Variants in INTS3 observed in about 807,000 individuals in gnomAD.
INTS3 encodes the protein integrator complex subunit 3, also known as SOSS complex subunit A.
INTS3 carries 34 observed loss-of-function variants against 146.3 expected under a neutral mutation model. That is an observed-to-expected ratio of 0.23 (90% CI 0.18 to 0.31). The LOEUF (loss-of-function observed/expected upper bound fraction) is 0.31, where lower values mean the gene tolerates loss of function less well. INTS3 is among the 10% of genes least tolerant of loss of function. The probability of loss-of-function intolerance (pLI) is 1.00; values close to 1 mark genes in which losing one functional copy is unlikely to be tolerated. For synonymous variants in INTS3, 475 were observed against 494.9 expected (o/e 0.96, Z 0.53); for missense variants, 757 against 1,304.2 (o/e 0.58, Z 6.46).
chr1:153,731,425 A>G (rs553142010), intron 1 of INTS3, among the ~76,000 whole-genome samples: 74 of 151,906 alleles, frequency 4.9e-4, no homozygotes, highest in African/African-American at 1.8e-3. Flanking sequence ...CAATTTGGGG[A>G]GGGAATGAGA....
intron 6 of INTS3, among the ~76,000 whole-genome samples, chr1:153,749,547 T>TCTGCCCAGGTCTGAGAGCC (rs1553237892): frequency 6.6e-6 from 1 of 152,232 alleles, no homozygotes; most frequent in African/African-American, 2.4e-5. Context: ...TGTGCTGTGC[T>TCTGCCCAGGTCTGAGAGCC]CTGCCCAGGT....
chr1:153,755,241 T>C (rs919592736), intron 9 of INTS3, among the ~76,000 whole-genome samples: 10 of 152,044 alleles, frequency 6.6e-5, no homozygotes, highest in African/African-American at 2.4e-4. Flanking sequence ...GATTGAGGAA[T>C]TTGTGGGGTT....
Position 153,731,577 on chromosome 1 carries a change from C to CTTTTT in INTS3, c.150+2794_150+2795insTTTTT, listed in dbSNP as rs1491428244. ...TGAAAGTGGGAGGCCCAAGAGCGTCCTCTTTTTTTTTTTTTTTTTTTTTGA... is the reference window on the plus strand; with the variant it reads ...TGAAAGTGGGAGGCCCAAGAGCGTCCTTTTTTCTTTTTTTTTTTTTTTTTTTTTGA... On this transcript the variant is annotated intron_variant, in intron 1 of 29. Coordinates refer to ENST00000318967, the MANE Select transcript of INTS3 (RefSeq NM_023015.5). Among the ~76,000 whole-genome samples the CTTTTT allele has an allele frequency of 1.1e-4, 14 of 129,258 alleles. 3 individuals are homozygous for CTTTTT. Among genetic ancestry groups the CTTTTT allele is most frequent in the Non-Finnish European group, 1.5e-4 (9 of 61,464 alleles). 84.8% of individuals were successfully genotyped at this position (129,258 alleles called of 152,430 possible).
intron 20 of INTS3, chr1:153,767,416 C>T (rs2101826201): frequency 7.5e-6 from 3 of 400,934 alleles, no homozygotes; most frequent in African/African-American, 2.1e-5. Context: ...TCCTGACTCT[C>T]ATCCGGCAGT....
intron 22 of INTS3, 126 bp downstream of exon 22, chr1:153,769,087 A>G (rs1293943696): frequency 2.6e-6 from 2 of 755,314 alleles, no homozygotes; most frequent in Non-Finnish European, 4.5e-6. Context: ...CCTCCTGGCT[A>G]CAGTGGTGTG....
At chr1:153,763,062 G>A (rs922029030) in intron 15 of INTS3, among the ~76,000 whole-genome samples, 171 bp from the exon 16 acceptor site, 14 of 152,218 alleles carry the variant, frequency 9.2e-5, no homozygotes, top group Admixed American at 5.9e-4. Flanking sequence ...TTGTTTGCTT[G>A]TAAGAGCTAG....
At chr1:153,743,859 C>G (rs902324272) in intron 3 of INTS3, among the ~76,000 whole-genome samples, 2 of 152,014 alleles carry the variant, frequency 1.3e-5, no homozygotes, top group Non-Finnish European at 2.9e-5. Flanking sequence ...CCAGGCAGCT[C>G]TTGGTCTAGG....
rs755657155 is a variant in INTS3, at chr1:153,764,225, A to T, written c.1925+4A>T. Reference sequence around the variant, plus strand: ...TGCCTGAGGAGATTACTGAGGAGTAAGGCTGATTTTCCCTCACTCCAGAGC... The same window carrying T: ...TGCCTGAGGAGATTACTGAGGAGTATGGCTGATTTTCCCTCACTCCAGAGC... On this transcript the variant is annotated splice_donor_region_variant and intron_variant, in intron 18 of 29. Transcript: ENST00000318967. 127 of 1,605,198 alleles carry T rather than the reference A, an allele frequency of 7.9e-5. No homozygotes were observed. The highest frequency in any genetic ancestry group is 1.0e-4 in the Non-Finnish European group (122 of 1,172,338).
chr1:153,770,132 GGGGT>G, intron 23 of INTS3, 62 bp from the exon 24 acceptor site: 42 of 491,952 alleles, frequency 8.5e-5, no homozygotes, highest in Middle Eastern at 5.2e-4. Flanking sequence ...GGGGGTGGGG[GGGGT>G]GTGTGTGTGT....
At chr1:153,732,360 A>G (rs1671100955) in intron 1 of INTS3, among the ~76,000 whole-genome samples, 2 of 152,192 alleles carry the variant, frequency 1.3e-5, no homozygotes, top group South Asian at 2.1e-4. Flanking sequence ...CTTACAAATC[A>G]TAATTTCATA....
Position 153,772,292 on chromosome 1 carries a change from C to G in INTS3, c.2721-48C>G. The G allele has an allele frequency of 6.3e-7, 1 of 1,595,186 alleles. No homozygotes were observed. The highest frequency in any genetic ancestry group is 1.1e-5 in the South Asian group (1 of 88,172). On this transcript the variant is annotated intron_variant, in intron 26 of 29. Coordinates refer to ENST00000318967, the MANE Select transcript of INTS3 (RefSeq NM_023015.5). This position sits in a 1 kb window ranked among gnomAD's most constrained non-coding sequence, Gnocchi z 4.6. ...TGGCGGGTGGAGGGTGTCTCGCACT[C>G]TGGAACCCTCCCACACTCAGACTCT...
chr1:153,760,413 C>T, intron 12 of INTS3, 23 bp downstream of exon 12: 1 of 1,587,218 alleles, frequency 6.3e-7, no homozygotes, highest in Non-Finnish European at 8.7e-7. Flanking sequence ...GCTCTCTTTT[C>T]TCCCCATGCC....
rs369550677 is a variant in INTS3, at chr1:153,763,912, G to A, written c.1821+26G>A. 12 of 1,607,994 alleles carry A rather than the reference G, an allele frequency of 7.5e-6. No individual in the cohort carries two copies. The South Asian group carries it at 8.8e-5, about 12-fold the overall frequency. On this transcript the variant is annotated intron_variant, in intron 17 of 29. Transcript: ENST00000318967. ...GTGAGGAGGAACCCAATCCCTTAGG[G>A]AGGAAGCAGCCTAGCCTGCTTAGCT...
At chr1:153,743,365 G>A (rs1456698978) in intron 3 of INTS3, among the ~76,000 whole-genome samples, 2 of 152,202 alleles carry the variant, frequency 1.3e-5, no homozygotes, top group Non-Finnish European at 2.9e-5. Flanking sequence ...AGTGGATATG[G>A]TGGAGAAGTG....
intron 6 of INTS3, among the ~76,000 whole-genome samples, chr1:153,749,477 A>T (rs1021007195): frequency 6.6e-6 from 1 of 152,174 alleles, no homozygotes; most frequent in Non-Finnish European, 1.5e-5. Flanking sequence ...TGTCCATACT[A>T]TCTGTAGTTC....
chr1:153,733,854 C>G (rs1466638413), intron 1 of INTS3, among the ~76,000 whole-genome samples: 2 of 152,146 alleles, frequency 1.3e-5, no homozygotes, highest in Admixed American at 1.3e-4. Context: ...TCGCCCCCCT[C>G]AGCCTCCCAG....
intron 1 of INTS3, among the ~76,000 whole-genome samples, chr1:153,739,711 T>G (rs1264815483): frequency 6.8e-6 from 1 of 147,078 alleles, no homozygotes; most frequent in Non-Finnish European, 1.5e-5. Flanking sequence ...TCGGGTGATC[T>G]GCCCACCTCA....
At chr1:153,755,682 G>C (rs555133584) in intron 9 of INTS3, among the ~76,000 whole-genome samples, 1 of 152,202 alleles carries the variant, frequency 6.6e-6, no homozygotes, top group Non-Finnish European at 1.5e-5. Context: ...GTGTTCTACT[G>C]TGTGGTAGCC....
intron 5 of INTS3, 31 bp downstream of exon 5, chr1:153,747,394 AAGG>A (rs1160964444): frequency 3.5e-5 from 53 of 1,527,954 alleles, no homozygotes; most frequent in Non-Finnish European, 4.7e-5. Flanking sequence ...ATAAAGAAGA[AAGG>A]AGGAGAGCCC....
Sources: gnomAD v4.1 joint callset for allele counts (sites outside exome capture counted in the v4.1 genomes callset) on GRCh38, gnomAD v4.1.1 for gene constraint, Gnocchi (gnomAD v3.1) non-coding constraint, MANE v1.5 for transcripts, NCBI Gene and HGNC (gene_info 2026-07-23, HGNC 2026-07-21) for gene names.